GABRB1: variants seen among roughly 807,000 people sequenced by gnomAD.
The protein encoded by GABRB1 is gamma-aminobutyric acid type A receptor subunit beta1.
A neutral mutation model predicts 51.6 loss-of-function variants in GABRB1; 17 were observed. That is an observed-to-expected ratio of 0.33 (90% CI 0.23 to 0.49). The LOEUF (loss-of-function observed/expected upper bound fraction) is 0.49, where lower values mean the gene tolerates loss of function less well. GABRB1 is among the 20% of genes least tolerant of loss of function. The pLI is 0.99. For synonymous variants in GABRB1, 247 were observed against 218.9 expected (o/e 1.13, Z -1.14); for missense variants, 410 against 600.6 (o/e 0.68, Z 3.32).
intron 1 of GABRB1, among the ~76,000 whole-genome samples, chr4:47,002,528 TTAAA>T (rs930270510): frequency 6.6e-5 from 10 of 152,158 alleles, no homozygotes; most frequent in Admixed American, 5.2e-4. Flanking sequence ...TTTCAAATGT[TTAAA>T]TAAGAACCAC....
intron 3 of GABRB1, among the ~76,000 whole-genome samples, chr4:47,033,394 G>T (rs1725423512): frequency 6.6e-6 from 1 of 152,126 alleles, no homozygotes; most frequent in South Asian, 2.1e-4. Flanking sequence ...TCTACTTAGA[G>T]TTTCTAACTG....
chr4:47,034,494 T>C (rs1725466974), intron 3 of GABRB1, among the ~76,000 whole-genome samples: 1 of 152,196 alleles, frequency 6.6e-6, no homozygotes, highest in Admixed American at 6.5e-5. Context: ...TTCACCCAGC[T>C]GATAAGCCTT....
chr4:47,024,477 T>C (rs567892264), intron 1 of GABRB1, among the ~76,000 whole-genome samples: 18 of 152,022 alleles, frequency 1.2e-4, no homozygotes, highest in Non-Finnish European at 2.4e-4. Flanking sequence ...CTTTAGTATG[T>C]AGTAGCAGTG....
intron 4 of GABRB1, among the ~76,000 whole-genome samples, chr4:47,205,223 A>G (rs1241340012): frequency 1.3e-5 from 2 of 152,186 alleles, no homozygotes; most frequent in Non-Finnish European, 2.9e-5. Flanking sequence ...CTCTTTCACA[A>G]GAATGGTTTT....
At chr4:47,372,683 T>A (rs572573395) in intron 5 of GABRB1, among the ~76,000 whole-genome samples, 3 of 152,194 alleles carry the variant, frequency 2.0e-5, no homozygotes, top group African/African-American at 7.2e-5. Flanking sequence ...GAAATGTCTT[T>A]GCTTAGTGGA....
chr4:47,011,855 C>T (rs1577823377), intron 1 of GABRB1, among the ~76,000 whole-genome samples: 1 of 152,104 alleles, frequency 6.6e-6, no homozygotes, highest in East Asian at 1.9e-4. Flanking sequence ...AAATTCTTCC[C>T]AATCATTAAA....
At chr4:47,301,281 G>T (rs1350676596) in intron 4 of GABRB1, among the ~76,000 whole-genome samples, 1 of 152,052 alleles carries the variant, frequency 6.6e-6, no homozygotes, top group Non-Finnish European at 1.5e-5. Flanking sequence ...CTCCAAAATG[G>T]TTCATGGGCA....
chr4:47,319,714 A>C (rs556415253), intron 4 of GABRB1, among the ~76,000 whole-genome samples: 5 of 152,324 alleles, frequency 3.3e-5, no homozygotes, highest in African/African-American at 1.2e-4. Flanking sequence ...TGAATTTGGC[A>C]GTTTTCCCTA....
chr4:47,091,356 T>G (rs912047501), intron 3 of GABRB1, among the ~76,000 whole-genome samples: 3 of 152,210 alleles, frequency 2.0e-5, no homozygotes, highest in African/African-American at 4.8e-5. Flanking sequence ...AGGATTTATT[T>G]TTCCAAAATG....
intron 3 of GABRB1, among the ~76,000 whole-genome samples, chr4:47,080,070 A>G (rs950548731): frequency 1.3e-5 from 2 of 152,166 alleles, no homozygotes; most frequent in Admixed American, 6.5e-5. Context: ...ATTTCAAGCA[A>G]TACAGAATGA....
intron 5 of GABRB1, among the ~76,000 whole-genome samples, chr4:47,343,710 C>G (rs1051740280): frequency 6.6e-6 from 1 of 152,090 alleles, no homozygotes; most frequent in Non-Finnish European, 1.5e-5. Context: ...GAAAATTAGG[C>G]CTGTGCTCAC....
At chr4:47,083,730 C>T (rs1233008423) in intron 3 of GABRB1, among the ~76,000 whole-genome samples, 3 of 152,144 alleles carry the variant, frequency 2.0e-5, no homozygotes, top group Non-Finnish European at 4.4e-5. Context: ...GGAATTATGG[C>T]TCCTATCTTT....
At chr4:47,259,024 G>T (rs1722323733) in intron 4 of GABRB1, among the ~76,000 whole-genome samples, 2 of 152,050 alleles carry the variant, frequency 1.3e-5, no homozygotes, top group South Asian at 4.1e-4. Context: ...CCATCCATAT[G>T]CAGTTGTCTT....
chr4:47,127,617 C>T (rs1447310350), intron 3 of GABRB1, among the ~76,000 whole-genome samples: 1 of 151,532 alleles, frequency 6.6e-6, no homozygotes, highest in Non-Finnish European at 1.5e-5. Context: ...AATGTTTTCT[C>T]GTTATTCTTT....
intron 3 of GABRB1, among the ~76,000 whole-genome samples, chr4:47,122,151 G>A (rs1283147986): frequency 6.6e-6 from 1 of 152,118 alleles, no homozygotes; most frequent in African/African-American, 2.4e-5. Flanking sequence ...ACTGCCCTGA[G>A]CTTATACCTC....
chr4:47,165,854 T>C (rs1718160041), intron 4 of GABRB1, among the ~76,000 whole-genome samples: 1 of 152,128 alleles, frequency 6.6e-6, no homozygotes, highest in South Asian at 2.1e-4. Flanking sequence ...CTTTCCCAAG[T>C]GCTAATGAAA....
chr4:47,214,071 C>G (rs888380931), intron 4 of GABRB1, among the ~76,000 whole-genome samples: 1 of 152,004 alleles, frequency 6.6e-6, no homozygotes, highest in Non-Finnish European at 1.5e-5. Context: ...ATGGATGAAA[C>G]GCTAGTGTGC....
chr4:47,410,777 G>A (rs1233168040), intron 8 of GABRB1, among the ~76,000 whole-genome samples: 1 of 152,212 alleles, frequency 6.6e-6, no homozygotes, highest in African/African-American at 2.4e-5. Context: ...TTTGAATCCA[G>A]CCTGTTGGGG....
chr4:47,181,355 C>G (rs1718938449), intron 4 of GABRB1, among the ~76,000 whole-genome samples: 1 of 151,986 alleles, frequency 6.6e-6, no homozygotes, highest in Non-Finnish European at 1.5e-5. Context: ...AATTTACATG[C>G]TTTAATGGGT....
Sources: gnomAD v4.1 joint callset for allele counts (sites outside exome capture counted in the v4.1 genomes callset) on GRCh38, gnomAD v4.1.1 for gene constraint, MANE v1.5 for transcripts, NCBI Gene and HGNC (gene_info 2026-07-23, HGNC 2026-07-21) for gene names.